Variants in ADK observed in about 807,000 individuals in gnomAD.
The protein encoded by ADK is N6,N6-dimethyladenosine kinase.
ADK carries 24 observed loss-of-function variants against 44.7 expected under a neutral mutation model. That is an observed-to-expected ratio of 0.54 (90% CI 0.39 to 0.76). ADK has a LOEUF of 0.76. Ranked by LOEUF, ADK falls within the 30% of genes least tolerant of loss-of-function variation. The probability of loss-of-function intolerance (pLI) is 0.00; values close to 1 mark genes in which losing one functional copy is unlikely to be tolerated. For missense variants in ADK, 321 were observed against 425.1 expected, an observed-to-expected ratio of 0.76 and a Z score of 2.15; for synonymous variants, 128 against 142.6, an observed-to-expected ratio of 0.90 and a Z score of 0.73.
At chr10:74,205,096 C>G (rs1408650359) in intron 2 of ADK, among the ~76,000 whole-genome samples, 1 of 87,612 alleles carries the variant, frequency 1.1e-5, no homozygotes, top group African/African-American at 4.6e-5. Context: ...CACACCAAAA[C>G]AAAAAAACCC....
chr10:74,677,052 C>A (rs996227980), intron 10 of ADK, among the ~76,000 whole-genome samples: 1 of 152,118 alleles, frequency 6.6e-6, no homozygotes, highest in Non-Finnish European at 1.5e-5. Context: ...CAAGACCAGC[C>A]TGGACAACGT....
intron 6 of ADK, among the ~76,000 whole-genome samples, chr10:74,455,816 G>A (rs1845924767): frequency 6.6e-6 from 1 of 152,104 alleles, no homozygotes; most frequent in Admixed American, 6.5e-5. Context: ...TAAGAATATT[G>A]AATATTGGCT....
chr10:74,176,737 C>T (rs1036392476), intron 1 of ADK: 4 of 1,512,104 alleles, frequency 2.6e-6, no homozygotes, highest in South Asian at 2.5e-5. Context: ...GCCGCCCGCG[C>T]GCGGGGTGTG....
At chr10:74,440,421 A>C (rs1438760423) in intron 6 of ADK, among the ~76,000 whole-genome samples, 2 of 152,176 alleles carry the variant, frequency 1.3e-5, no homozygotes, top group African/African-American at 4.8e-5. Flanking sequence ...CTGTAGGATT[A>C]TAGAAATAAG....
At chr10:74,245,435 A>G (rs1312061113) in intron 3 of ADK, among the ~76,000 whole-genome samples, 2 of 152,144 alleles carry the variant, frequency 1.3e-5, no homozygotes, top group Non-Finnish European at 2.9e-5. Context: ...ACAAAAACAT[A>G]AAGTTCTTCA....
intron 3 of ADK, among the ~76,000 whole-genome samples, chr10:74,303,642 T>C (rs376202796): frequency 1.6e-5 from 2 of 126,036 alleles, no homozygotes; most frequent in East Asian, 4.8e-4. Flanking sequence ...AAGATAAAGC[T>C]TCTACACTGA....
At chr10:74,605,921 C>G (rs1370875651) in intron 9 of ADK, among the ~76,000 whole-genome samples, 2 of 152,104 alleles carry the variant, frequency 1.3e-5, no homozygotes, top group Non-Finnish European at 2.9e-5. Flanking sequence ...AATTTCAGAA[C>G]TTGTTATTGG....
At chr10:74,176,452 A>G in intron 1 of ADK, 1 of 1,079,242 alleles carries the variant, frequency 9.3e-7, no homozygotes, top group African/African-American at 1.7e-5. Context: ...CGAGGTAGAC[A>G]GTGGCCACGT....
chr10:74,195,707 C>CTTTTTTTTTTTTTTTTTTTTTTT (rs71475265), intron 1 of ADK, among the ~76,000 whole-genome samples: 11 of 97,518 alleles, frequency 1.1e-4, no homozygotes, highest in Non-Finnish European at 1.8e-4. Flanking sequence ...TCTTTTCTTT[C>CTTTTTTTTTTTTTTTTTTTTTTT]TTTTTTTTTT....
chr10:74,252,625 A>G (rs1845688974), intron 3 of ADK, among the ~76,000 whole-genome samples: 1 of 152,218 alleles, frequency 6.6e-6, no homozygotes, highest in Non-Finnish European at 1.5e-5. Flanking sequence ...TCATTGAGGA[A>G]ATGAGTCTGA....
At chr10:74,540,585 A>G (rs1185614599) in intron 7 of ADK, among the ~76,000 whole-genome samples, 1 of 151,726 alleles carries the variant, frequency 6.6e-6, no homozygotes, top group Non-Finnish European at 1.5e-5. Flanking sequence ...TCAGCTTTCC[A>G]CATAGCTGGG....
chr10:74,598,854 ATG>A (rs1852020773), intron 8 of ADK, among the ~76,000 whole-genome samples: 1 of 152,188 alleles, frequency 6.6e-6, no homozygotes, highest in African/African-American at 2.4e-5. Context: ...GATGAAGTGA[ATG>A]TGTTTTTCTC....
intron 4 of ADK, among the ~76,000 whole-genome samples, chr10:74,340,767 T>C (rs1841556972): frequency 6.6e-6 from 1 of 152,194 alleles, no homozygotes; most frequent in Admixed American, 6.5e-5. Context: ...TTTTACTGTT[T>C]TAATTGTCTA....
chr10:74,465,131 C>T (rs1030903340), intron 6 of ADK, among the ~76,000 whole-genome samples: 4 of 152,060 alleles, frequency 2.6e-5, no homozygotes. Context: ...AAAGGTTACA[C>T]TTTCAAATCT....
At chr10:74,240,976 GTCT>G (rs1271736137) in intron 3 of ADK, among the ~76,000 whole-genome samples, 3 of 152,142 alleles carry the variant, frequency 2.0e-5, no homozygotes, top group African/African-American at 7.2e-5. Flanking sequence ...TCTGTTAACT[GTCT>G]TCTTTGTTTT....
At chr10:74,276,141 C>T (rs1015974822) in intron 3 of ADK, among the ~76,000 whole-genome samples, 3 of 152,252 alleles carry the variant, frequency 2.0e-5, no homozygotes, top group Non-Finnish European at 2.9e-5. Flanking sequence ...ATTGCACGTG[C>T]GCTCAGCTCT....
chr10:74,300,240 C>T (rs1165308724), intron 3 of ADK, among the ~76,000 whole-genome samples: 8 of 149,278 alleles, frequency 5.4e-5, no homozygotes, highest in Admixed American at 2.7e-4. Context: ...CTTTCTTTCT[C>T]TCTCTCTCTC....
chr10:74,236,435 T>C (rs953075456), intron 3 of ADK, among the ~76,000 whole-genome samples: 1 of 152,238 alleles, frequency 6.6e-6, no homozygotes, highest in Non-Finnish European at 1.5e-5. Context: ...TTGTTAGTAC[T>C]AAACATCTTT....
intron 6 of ADK, among the ~76,000 whole-genome samples, chr10:74,444,344 G>C (rs926727590): frequency 2.0e-5 from 3 of 152,032 alleles, no homozygotes; most frequent in African/African-American, 7.2e-5. Context: ...GATTTTAATG[G>C]GGCAGAGTTG....
Sources: gnomAD v4.1 joint callset for allele counts (sites outside exome capture counted in the v4.1 genomes callset) on GRCh38, gnomAD v4.1.1 for gene constraint, MANE v1.5 for transcripts, NCBI Gene and HGNC (gene_info 2026-07-23, HGNC 2026-07-21) for gene names.